Variants in RANBP2 observed in about 807,000 individuals in gnomAD.
RANBP2 encodes the protein E3 SUMO-protein ligase RanBP2.
In RANBP2, 57 loss-of-function variants were observed where a neutral mutation model predicts 303.6. The observed-to-expected ratio is 0.19, with a 90% CI of 0.15 to 0.23. RANBP2 has a LOEUF of 0.23. RANBP2 is among the 10% of genes least tolerant of loss of function. The pLI, the probability that RANBP2 is intolerant of heterozygous loss-of-function variation, is 1.00. For synonymous variants in RANBP2, 1,167 were observed against 1,301.5 expected (o/e 0.90, Z 2.23); for missense variants, 3,138 against 3,780.8 (o/e 0.83, Z 4.46).
chr2:109,193,380 C>T, the RANBP2 span, among the ~76,000 whole-genome samples: 1 of 152,200 alleles, frequency 6.6e-6, no homozygotes, highest in Admixed American at 6.5e-5. Context: ...GTGTAGCCAT[C>T]GCCACAGTCA....
the RANBP2 span, chr2:109,614,416 AGC>A: frequency 9.2e-7 from 1 of 1,089,816 alleles, no homozygotes; most frequent in East Asian, 3.6e-5. Flanking sequence ...CGCCGTCGGG[AGC>A]CGGCCGCTGG....
At chr2:108,737,936 G>A (rs1189163773) in intron 6 of RANBP2, among the ~76,000 whole-genome samples, 2 of 151,620 alleles carry the variant, frequency 1.3e-5, no homozygotes, top group South Asian at 2.1e-4. Flanking sequence ...GGATGGTCTC[G>A]ATCTCCTGAC....
chr2:108,954,678 CTT>C, the RANBP2 span, among the ~76,000 whole-genome samples: 1 of 146,838 alleles, frequency 6.8e-6, no homozygotes. Flanking sequence ...GGAAGATAAT[CTT>C]TTTTTTTTTT....
the RANBP2 span, chr2:109,129,380 C>T: frequency 8.5e-7 from 1 of 1,179,748 alleles, no homozygotes; most frequent in Non-Finnish European, 1.2e-6. Flanking sequence ...GTCGGTGAGC[C>T]ACTTCGCACC....
chr2:108,786,467 G>C (rs1172086860), downstream of RANBP2, among the ~76,000 whole-genome samples: 3 of 152,172 alleles, frequency 2.0e-5, no homozygotes, highest in East Asian at 5.8e-4. Flanking sequence ...GGTCTATGTG[G>C]TGAGCGCAAC....
the RANBP2 span, among the ~76,000 whole-genome samples, chr2:109,535,651 C>G: frequency 6.6e-6 from 1 of 152,108 alleles, no homozygotes; most frequent in Admixed American, 6.5e-5. Context: ...AAAGTCTGGC[C>G]CTTATGTGAT....
At chr2:109,053,214 G>A in the RANBP2 span, among the ~76,000 whole-genome samples, 1 of 152,216 alleles carries the variant, frequency 6.6e-6, no homozygotes, top group Non-Finnish European at 1.5e-5. Context: ...GCACTTCCAA[G>A]GTTTGTTGTG....
the RANBP2 span, among the ~76,000 whole-genome samples, chr2:109,438,603 G>A: frequency 3.3e-5 from 5 of 152,132 alleles, no homozygotes; most frequent in Non-Finnish European, 5.9e-5. Flanking sequence ...CACACCCCTG[G>A]CTCCAGGGCC....
chr2:109,320,702 AG>A, the RANBP2 span, among the ~76,000 whole-genome samples: 1 of 152,212 alleles, frequency 6.6e-6, no homozygotes, highest in Non-Finnish European at 1.5e-5. Context: ...TCTTCTGTAA[AG>A]ATATCAGCCC....
At chr2:109,766,350 G>A in the RANBP2 span, among the ~76,000 whole-genome samples, 4 of 150,788 alleles carry the variant, frequency 2.7e-5, no homozygotes, top group African/African-American at 7.3e-5. Flanking sequence ...TGTGTGGGGC[G>A]TGTTTTGGAG....
At chr2:109,387,858 T>TG in the RANBP2 span, among the ~76,000 whole-genome samples, 1,069 of 147,758 alleles carry the variant, frequency 7.2e-3, 5 homozygotes, top group Middle Eastern at 0.014. Context: ...CCCAGATGGT[T>TG]GGGGGGGGGG....
the RANBP2 span, among the ~76,000 whole-genome samples, chr2:109,057,476 A>T: frequency 2.0e-5 from 3 of 152,218 alleles, no homozygotes; most frequent in Non-Finnish European, 4.4e-5. Flanking sequence ...TGTACCTGAG[A>T]GCAGCGAGCA....
At chr2:109,084,776 C>A in the RANBP2 span, among the ~76,000 whole-genome samples, 2 of 152,148 alleles carry the variant, frequency 1.3e-5, no homozygotes, top group African/African-American at 4.8e-5. Context: ...GAAATGACAG[C>A]ATGAACACTG....
At chr2:109,348,338 G>C in the RANBP2 span, among the ~76,000 whole-genome samples, 2 of 152,218 alleles carry the variant, frequency 1.3e-5, no homozygotes, top group Non-Finnish European at 2.9e-5. Flanking sequence ...GGGCTCATCA[G>C]GGGAAACTGC....
the RANBP2 span, among the ~76,000 whole-genome samples, chr2:109,085,404 C>G: frequency 1.3e-5 from 2 of 151,570 alleles, no homozygotes; most frequent in East Asian, 3.9e-4. Flanking sequence ...CCTGAGTTCA[C>G]GCCATTCTCC....
the RANBP2 span, among the ~76,000 whole-genome samples, chr2:109,006,672 A>ACAGAGCTTTT: frequency 1.3e-5 from 2 of 152,148 alleles, no homozygotes; most frequent in Admixed American, 1.3e-4. Flanking sequence ...CCCGAAGTCC[A>ACAGAGCTTTT]CAGAGCTTTT....
At chr2:109,545,880 A>C in the RANBP2 span, 96 of 1,441,266 alleles carry the variant, frequency 6.7e-5, no homozygotes, top group Non-Finnish European at 8.6e-5. Flanking sequence ...GATGCTGGGG[A>C]AACAGCAGTG....
chr2:109,395,296 G>A, the RANBP2 span, among the ~76,000 whole-genome samples: 1 of 152,230 alleles, frequency 6.6e-6, no homozygotes, highest in Non-Finnish European at 1.5e-5. Flanking sequence ...TCCACTCTGG[G>A]CTTTCAGAAC....
At chr2:109,418,387 G>A in the RANBP2 span, among the ~76,000 whole-genome samples, 12 of 152,082 alleles carry the variant, frequency 7.9e-5, no homozygotes, top group African/African-American at 2.7e-4. Flanking sequence ...TCTAGAGGTC[G>A]GAAGCCCCAA....
Sources: allele counts gnomAD v4.1 joint callset (sites outside exome capture counted in the v4.1 genomes callset), GRCh38; gene constraint gnomAD v4.1.1; transcripts MANE v1.5; gene names NCBI Gene and HGNC (gene_info 2026-07-23, HGNC 2026-07-21).